Variants in ITGAE observed in about 807,000 individuals in gnomAD.
ITGAE encodes integrin alpha-E.
Under a neutral mutation model 136.5 loss-of-function variants are expected in ITGAE, and 99 were observed. That is an observed-to-expected ratio of 0.73 (90% CI 0.62 to 0.86). The LOEUF is 0.86. Among genes scored for constraint, ITGAE ranks in the 40% least tolerant of loss-of-function variants. The pLI is 0.00. For synonymous variants in ITGAE, 613 were observed against 591.8 expected, an observed-to-expected ratio of 1.04 and a Z score of -0.52; for missense variants, 1,447 against 1,515.3, an observed-to-expected ratio of 0.95 and a Z score of 0.75.
chr17:3,777,669 A>G lies in ITGAE; in HGVS notation c.35-9T>C. On this transcript the variant is annotated splice_polypyrimidine_tract_variant and intron_variant, in intron 1 of 30. Transcript: ENST00000263087. ...GGCCAGCAGGGCCAGGCCTGTAGGG[A>G]AAAGAGGAGCGTTTAATGAAAGAGG... is the stretch of plus-strand genomic sequence containing the variant. 6.2e-7 allele frequency: 1 copy of G among 1,601,304 alleles called. No homozygotes were observed. The highest frequency in any genetic ancestry group is 8.5e-7 in the Non-Finnish European group (1 of 1,173,722).
rs1376495312 is a variant in ITGAE, at chr17:3,755,159, C to T, written c.1342G>A (p.Ala448Thr). ...RRGRFLNQTAAAAADAEAAQY... is the reference protein window; with the variant it reads ...RRGRFLNQTATAAADAEAAQY... ...GCAGCCTCCGCGTCTGCCGCCGCCG[C>T]CGCTGTCTGGTTCAGGAAGCGGCCC... Residue 448 changes from alanine to threonine, a missense_variant, in exon 12 of 31, where the codon GCG becomes ACG. Coordinates refer to ENST00000263087, the MANE Select transcript of ITGAE (RefSeq NM_002208.5). 1 of 1,532,806 alleles carries T rather than the reference C, an allele frequency of 6.5e-7. No individual in the cohort carries two copies. The highest frequency in any genetic ancestry group is 1.1e-5 in the South Asian group (1 of 87,344). The allele number at this position is 1,532,806 out of a possible 1,614,324, so 95.0% of individuals were successfully genotyped here. A position where few individuals can be genotyped will look rare whatever the true frequency, so the allele number is the denominator to read the frequency against.
At chr17:3,739,177 G>A (rs2143013717) in intron 20 of ITGAE, among the ~76,000 whole-genome samples, 1 of 152,168 alleles carries the variant, frequency 6.6e-6, no homozygotes, top group African/African-American at 2.4e-5. Context: ...CCTCCAGTGT[G>A]TGCCAAAGTG....
At chr17:3,785,816 T>A in intron 1 of ITGAE, among the ~76,000 whole-genome samples, 2 of 149,870 alleles carry the variant, frequency 1.3e-5, no homozygotes. Context: ...AACACACAAA[T>A]TACCAACATG....
At chr17:3,766,447 T>G (rs538517827) in intron 2 of ITGAE, among the ~76,000 whole-genome samples, 2 of 152,244 alleles carry the variant, frequency 1.3e-5, no homozygotes, top group East Asian at 3.9e-4. Context: ...CCCCAGAGCT[T>G]CTAGAAGGGA....
chr17:3,731,480 T>C (rs1456977576), intron 22 of ITGAE, among the ~76,000 whole-genome samples: 1 of 151,718 alleles, frequency 6.6e-6, no homozygotes, highest in African/African-American at 2.4e-5. Flanking sequence ...TAGCTGGGAT[T>C]ACAGGCACGC....
chr17:3,798,824 G>A lies in ITGAE; in HGVS notation c.34+2287C>T, dbSNP rs2053183498. On this transcript the variant is annotated intron_variant, in intron 1 of 30. Transcript: ENST00000263087. This position sits in a 1 kb window ranked among gnomAD's most constrained non-coding sequence, Gnocchi z 4.3. ...ATGAGTCAGGGGTGAAGACTGACTT[G>A]GGGACAGCAGGCCACAGGGTAAGAG... Among the ~76,000 whole-genome samples, 1 of 152,238 alleles carries A rather than the reference G, an allele frequency of 6.6e-6. No homozygotes were observed. The highest frequency in any genetic ancestry group is 1.5e-5 in the Non-Finnish European group (1 of 68,038).
At chr17:3,723,917 C>T (rs377095718) in intron 26 of ITGAE, 173 bp from the exon 27 acceptor site, 5 of 1,544,428 alleles carry the variant, frequency 3.2e-6, no homozygotes, top group Non-Finnish European at 4.4e-6. Context: ...GCGTTTGAAC[C>T]TCTTGGCGGG....
chr17:3,749,445 G>A (rs2051807608), intron 16 of ITGAE, among the ~76,000 whole-genome samples: 1 of 152,004 alleles, frequency 6.6e-6, no homozygotes, highest in South Asian at 2.1e-4. Context: ...GTAGAGATGA[G>A]GTTTCACCGT....
At chr17:3,719,949 C>T (rs2051016546) in intron 29 of ITGAE, among the ~76,000 whole-genome samples, 1 of 152,150 alleles carries the variant, frequency 6.6e-6, no homozygotes, top group Non-Finnish European at 1.5e-5. Context: ...TTGTGTTGAA[C>T]TTCTGACCTC....
At position 3,748,939 on chromosome 17, in the gene ITGAE, C is replaced by A. The variant is rs575172765; in HGVS notation, c.2025-887G>T. On this transcript the variant is annotated intron_variant, in intron 16 of 30. Coordinates refer to ENST00000263087, the MANE Select transcript of ITGAE (RefSeq NM_002208.5). ...ATTGGGATTTTACTCTAAATAGGAGCCGTGGAGGAGTTTCAGGCAGCAGAG... is the reference window on the plus strand; with the variant it reads ...ATTGGGATTTTACTCTAAATAGGAGACGTGGAGGAGTTTCAGGCAGCAGAG... 2.6e-5 allele frequency among the ~76,000 whole-genome samples: 4 copies of A among 152,168 alleles called. No individual in the cohort carries two copies. The South Asian group carries it at 8.3e-4, about 32-fold the overall frequency.
At chr17:3,746,011 T>TGTGGCCCCTCCTGAACA (rs1338091393) in intron 17 of ITGAE, 84 bp from the exon 18 acceptor site, 19 of 1,303,334 alleles carry the variant, frequency 1.5e-5, no homozygotes, top group Non-Finnish European at 4.3e-6. Context: ...TGAGGTTCCT[T>TGTGGCCCCTCCTGAACA]GTGGCCCCTC....
At chr17:3,787,936 G>A (rs560234008) in intron 1 of ITGAE, among the ~76,000 whole-genome samples, 32 of 151,992 alleles carry the variant, frequency 2.1e-4, no homozygotes, top group African/African-American at 6.8e-4. Context: ...TGATCCACCC[G>A]TCTTGGCCTC....
Position 3,755,720 on chromosome 17 carries a change from C to T in ITGAE, c.1239+110G>A. ...AATAAAATCGCTCTTTTACAGGAATCACCACAGGTAGGGCAGAGCCCTGGA... is the reference window on the plus strand; with the variant it reads ...AATAAAATCGCTCTTTTACAGGAATTACCACAGGTAGGGCAGAGCCCTGGA... On this transcript the variant is annotated intron_variant, in intron 11 of 30. Transcript: ENST00000263087. 4 of 746,036 alleles carry T rather than the reference C, an allele frequency of 5.4e-6. No individual in the cohort carries two copies. The South Asian group carries it at 7.8e-5, about 15-fold the overall frequency. 46.2% of individuals were successfully genotyped at this position (746,036 alleles called of 1,614,324 possible).
intron 20 of ITGAE, among the ~76,000 whole-genome samples, chr17:3,737,165 C>T (rs1385642444): frequency 1.3e-5 from 2 of 152,100 alleles, no homozygotes; most frequent in Non-Finnish European, 2.9e-5. Context: ...TGGTCACGTG[C>T]GCCTGTGATC....
At chr17:3,741,919 G>A (rs1184875067) in intron 19 of ITGAE, among the ~76,000 whole-genome samples, 1 of 151,946 alleles carries the variant, frequency 6.6e-6, no homozygotes, top group African/African-American at 2.4e-5. Context: ...TCTACTAAAA[G>A]TACAAAAATT....
At position 3,776,398 on chromosome 17, in the gene ITGAE, T is replaced by C. The variant is rs528186192; in HGVS notation, c.155+1142A>G. On this transcript the variant is annotated intron_variant, in intron 2 of 30. Coordinates refer to ENST00000263087, the MANE Select transcript of ITGAE (RefSeq NM_002208.5). The stretch of plus-strand genomic sequence containing the variant: ...CCTTTACATGCATTATCTCAAATAG[T>C]CTTTGCGACAATCCTGTGAAGTAGG... Among the ~76,000 whole-genome samples the C allele has an allele frequency of 4.6e-5, 7 of 152,132 alleles. No individual in the cohort carries two copies. The East Asian group carries it at 1.2e-3, about 25-fold the overall frequency.
intron 21 of ITGAE, among the ~76,000 whole-genome samples, chr17:3,734,158 C>T (rs906800543): frequency 1.3e-5 from 2 of 152,216 alleles, no homozygotes; most frequent in African/African-American, 4.8e-5. Flanking sequence ...GCAAGCTCCG[C>T]CTCCCGGGTT....
chr17:3,747,846 CT>C, intron 17 of ITGAE, 75 bp downstream of exon 17: 1 of 332,886 alleles, frequency 3.0e-6, no homozygotes. Context: ...CCCCAGTCCT[CT>C]TTCCCTGCCC....
chr17:3,783,655 G>T (rs2052714528), intron 1 of ITGAE, among the ~76,000 whole-genome samples: 1 of 151,996 alleles, frequency 6.6e-6, no homozygotes. Flanking sequence ...TAATGAAATT[G>T]ATGCAAATAT....
Sources: allele counts gnomAD v4.1 joint callset (sites outside exome capture counted in the v4.1 genomes callset), GRCh38; gene constraint gnomAD v4.1.1; non-coding constraint Gnocchi (gnomAD v3.1); transcripts MANE v1.5; gene names NCBI Gene and HGNC (gene_info 2026-07-23, HGNC 2026-07-21).